Variants in MACROD2 observed in about 807,000 individuals in gnomAD.
MACROD2 encodes mono-ADP ribosylhydrolase 2, also known as ADP-ribose glycohydrolase MACROD2.
MACROD2 carries 36 observed loss-of-function variants against 70.4 expected under a neutral mutation model. The ratio of observed to expected loss-of-function variants is 0.51; its 90% CI spans 0.39 to 0.68. MACROD2 has a LOEUF of 0.68. Ranked by LOEUF, MACROD2 falls within the 30% of genes least tolerant of loss-of-function variation. The pLI is 0.00. For synonymous variants in MACROD2, 172 were observed against 178.8 expected (o/e 0.96, Z 0.30); for missense variants, 496 against 538.4 (o/e 0.92, Z 0.78).
chr20:14,411,774 G>A (rs535243373), intron 3 of MACROD2, among the ~76,000 whole-genome samples: 1 of 152,144 alleles, frequency 6.6e-6, no homozygotes, highest in South Asian at 2.1e-4. Context: ...TGTCTGCACA[G>A]GCTGTAGACT....
At chr20:14,291,175 A>G (rs551634238) in intron 3 of MACROD2, among the ~76,000 whole-genome samples, 1 of 152,296 alleles carries the variant, frequency 6.6e-6, no homozygotes, top group East Asian at 1.9e-4. Flanking sequence ...TCCTCTGACA[A>G]ATATTAGATA....
chr20:15,098,240 G>C (rs146834090), intron 5 of MACROD2, among the ~76,000 whole-genome samples: 3 of 152,100 alleles, frequency 2.0e-5, no homozygotes, highest in Non-Finnish European at 4.4e-5. Context: ...TGAACAAAGG[G>C]TCTCACATTT....
chr20:14,572,279 A>C (rs1257556562), intron 4 of MACROD2, among the ~76,000 whole-genome samples: 1 of 152,132 alleles, frequency 6.6e-6, no homozygotes, highest in Admixed American at 6.6e-5. Context: ...CTTGACATTG[A>C]ATTTAAATAT....
intron 7 of MACROD2, among the ~76,000 whole-genome samples, chr20:15,478,621 C>G (rs1324463386): frequency 5.9e-5 from 9 of 152,068 alleles, no homozygotes; most frequent in African/African-American, 2.2e-4. Context: ...GACGTTCTCT[C>G]CCATTGACCA....
At chr20:15,255,127 C>A (rs181822560) in intron 6 of MACROD2, among the ~76,000 whole-genome samples, 4 of 151,972 alleles carry the variant, frequency 2.6e-5, no homozygotes, top group African/African-American at 4.8e-5. Context: ...ATATATATTT[C>A]TCTATCTTCT....
At chr20:15,600,188 T>G (rs1203094794) in intron 8 of MACROD2, among the ~76,000 whole-genome samples, 1 of 152,080 alleles carries the variant, frequency 6.6e-6, no homozygotes, top group Admixed American at 6.5e-5. Context: ...AGGCCTGTCT[T>G]TCTAGGTGAC....
chr20:14,733,106 C>T (rs2071617674), intron 5 of MACROD2, among the ~76,000 whole-genome samples: 1 of 152,054 alleles, frequency 6.6e-6, no homozygotes, highest in South Asian at 2.1e-4. Flanking sequence ...GTACATTTTT[C>T]CTGATGCATA....
At chr20:14,522,307 C>G (rs74451485) in intron 4 of MACROD2, among the ~76,000 whole-genome samples, 3,043 of 152,152 alleles carry the variant, frequency 0.02, 52 homozygotes, top group South Asian at 0.043. Flanking sequence ...CAGCACAACC[C>G]AACAAAACAC....
chr20:15,882,599 GGGA>G (rs1189530079), intron 9 of MACROD2, among the ~76,000 whole-genome samples: 1 of 152,032 alleles, frequency 6.6e-6, no homozygotes, highest in Non-Finnish European at 1.5e-5. Flanking sequence ...GGAGAGACAA[GGGA>G]TTGAGAGACG....
chr20:15,833,424 G>A (rs2064079760), intron 8 of MACROD2, among the ~76,000 whole-genome samples: 1 of 152,142 alleles, frequency 6.6e-6, no homozygotes, highest in Non-Finnish European at 1.5e-5. Context: ...GTGTGGAAAT[G>A]TTCTATGCAT....
chr20:15,150,495 G>T (rs1391782243), intron 5 of MACROD2, among the ~76,000 whole-genome samples: 1 of 151,994 alleles, frequency 6.6e-6, no homozygotes, highest in African/African-American at 2.4e-5. Flanking sequence ...AGAATTTATA[G>T]GTTTTAGAAG....
chr20:14,861,444 T>C (rs966149138), intron 5 of MACROD2, among the ~76,000 whole-genome samples: 2 of 152,088 alleles, frequency 1.3e-5, no homozygotes, highest in African/African-American at 4.8e-5. Context: ...AGTCACTGAC[T>C]AAGAGACAGT....
At chr20:15,901,414 C>T (rs997610488) in intron 10 of MACROD2, among the ~76,000 whole-genome samples, 1 of 152,234 alleles carries the variant, frequency 6.6e-6, no homozygotes, top group East Asian at 1.9e-4. Context: ...CCTGGACTCT[C>T]GATGTGATAG....
At chr20:14,394,101 G>C (rs555052020) in intron 3 of MACROD2, among the ~76,000 whole-genome samples, 1 of 152,174 alleles carries the variant, frequency 6.6e-6, no homozygotes, top group Non-Finnish European at 1.5e-5. Flanking sequence ...CCAAAAGGAC[G>C]TGTAGAGGAA....
At chr20:14,733,810 A>G (rs1232917625) in intron 5 of MACROD2, among the ~76,000 whole-genome samples, 1 of 152,182 alleles carries the variant, frequency 6.6e-6, no homozygotes, top group African/African-American at 2.4e-5. Flanking sequence ...GCTGATGTTG[A>G]CCTGTCAAGC....
chr20:15,232,207 A>G (rs999868779), intron 6 of MACROD2, among the ~76,000 whole-genome samples: 3 of 151,976 alleles, frequency 2.0e-5, no homozygotes, highest in African/African-American at 7.2e-5. Context: ...GTAGAGGGAA[A>G]TAGAAAACTT....
chr20:14,966,935 T>A (rs1004437284), intron 5 of MACROD2, among the ~76,000 whole-genome samples: 1 of 151,926 alleles, frequency 6.6e-6, no homozygotes, highest in Non-Finnish European at 1.5e-5. Context: ...TCATGAGCAA[T>A]TACATTCACA....
intron 8 of MACROD2, among the ~76,000 whole-genome samples, chr20:15,785,151 C>CAAA (rs398035431): frequency 3.9e-5 from 4 of 103,576 alleles, no homozygotes; most frequent in African/African-American, 1.3e-4. Context: ...GACTCCGTCT[C>CAAA]AAAAAAAAAA....
chr20:14,846,309 C>T (rs574051854), intron 5 of MACROD2, among the ~76,000 whole-genome samples: 1 of 152,016 alleles, frequency 6.6e-6, no homozygotes, highest in East Asian at 1.9e-4. Flanking sequence ...CTGCAACCTC[C>T]ACCTCCTGCA....
Sources: gnomAD v4.1 joint callset for allele counts (sites outside exome capture counted in the v4.1 genomes callset) on GRCh38, gnomAD v4.1.1 for gene constraint, MANE v1.5 for transcripts, NCBI Gene and HGNC (gene_info 2026-07-23, HGNC 2026-07-21) for gene names.